Variants in BAZ1A observed in about 807,000 individuals in gnomAD.
BAZ1A encodes the protein bromodomain adjacent to zinc finger domain 1A.
In BAZ1A, 50 loss-of-function variants were observed where a neutral mutation model predicts 185.2. The observed-to-expected ratio is 0.27, with a 90% CI of 0.22 to 0.34. The LOEUF (loss-of-function observed/expected upper bound fraction) is 0.34, where lower values mean the gene tolerates loss of function less well. Among genes scored for constraint, BAZ1A ranks in the 10% least tolerant of loss-of-function variants. The probability of loss-of-function intolerance (pLI) is 1.00; values close to 1 mark genes in which losing one functional copy is unlikely to be tolerated. For synonymous variants in BAZ1A, 571 were observed against 615.6 expected, an observed-to-expected ratio of 0.93 and a Z score of 1.07; for missense variants, 1,356 against 1,839.9, an observed-to-expected ratio of 0.74 and a Z score of 4.81.
In BAZ1A at chr14:34,826,106, A is replaced by G; in HGVS notation, c.443T>C (p.Phe148Ser). 2 of 1,612,910 alleles carry G rather than the reference A, an allele frequency of 1.2e-6. No homozygotes were observed. Among genetic ancestry groups the G allele is most frequent in the Non-Finnish European group, 1.7e-6 (2 of 1,179,428 alleles). The change falls in exon 4 of 27, where the codon TTT becomes TCT. Residue 148 changes from phenylalanine (F) to serine (S), a missense_variant. Physicochemically the swap from Phe to Ser is radical, Grantham distance 155. Around this residue, in one of 7 missense-constraint regions of BAZ1A, gnomAD observed 332 missense variants for 395.3 expected, o/e 0.84. Transcript: ENST00000360310. ...EVLPPSHQNG[F>S]ANGHVNSVDG... Reference sequence around the variant, plus strand: ...CACACTGTTAACATGTCCATTAGCAAAACCATTTTGATGTGATGGAGGGAG... The same window carrying G: ...CACACTGTTAACATGTCCATTAGCAGAACCATTTTGATGTGATGGAGGGAG...
At chr14:34,829,087 G>A (rs995681774) in intron 3 of BAZ1A, among the ~76,000 whole-genome samples, 4 of 152,062 alleles carry the variant, frequency 2.6e-5, no homozygotes, top group African/African-American at 7.2e-5. Context: ...CCAACATGGC[G>A]AAACCCTGTC....
intron 11 of BAZ1A, 37 bp from the exon 12 acceptor site, chr14:34,792,958 G>C: frequency 6.4e-7 from 1 of 1,560,768 alleles, no homozygotes; most frequent in Non-Finnish European, 8.6e-7. Context: ...TTAAAGTTCT[G>C]TTCATGTACT....
chr14:34,795,334 T>C (rs949893722), intron 10 of BAZ1A, among the ~76,000 whole-genome samples: 2 of 152,220 alleles, frequency 1.3e-5, no homozygotes, highest in Non-Finnish European at 1.5e-5. Context: ...TTGAATGAGT[T>C]TGATTTGGAC....
intron 3 of BAZ1A, among the ~76,000 whole-genome samples, chr14:34,842,741 ACAGGGCTCTGGTTCTGAT>A (rs1241286067): frequency 1.3e-5 from 2 of 152,174 alleles, no homozygotes; most frequent in Non-Finnish European, 2.9e-5. Flanking sequence ...GAAGCACAGA[ACAGGGCTCTGGTTCTGAT>A]ACTGCCTGTG....
At chr14:34,793,090 G>A (rs1880954768) in intron 11 of BAZ1A, among the ~76,000 whole-genome samples, 169 bp from the exon 12 acceptor site, 1 of 152,136 alleles carries the variant, frequency 6.6e-6, no homozygotes, top group African/African-American at 2.4e-5. Flanking sequence ...AATTTATAAT[G>A]ATTACAATAA....
intron 24 of BAZ1A, among the ~76,000 whole-genome samples, chr14:34,761,407 A>G (rs2138543161): frequency 6.6e-6 from 1 of 152,332 alleles, no homozygotes; most frequent in African/African-American, 2.4e-5. Flanking sequence ...TAGCTTGTCT[A>G]GGTGATGCTG....
At position 34,762,272 on chromosome 14, in the gene BAZ1A, C is replaced by CT. The variant is rs766121798; in HGVS notation, c.3777-50_3777-49insA. 52 of 1,524,634 alleles carry CT rather than the reference C, an allele frequency of 3.4e-5. 1 individual carries two copies. In the African/African-American group the frequency reaches 6.6e-4, roughly 19 times the overall value. The allele number at this position is 1,524,634 out of a possible 1,614,324, so 94.4% of individuals were successfully genotyped here. A position where few individuals can be genotyped will look rare whatever the true frequency, so the allele number is the denominator to read the frequency against. ...AATTATTGTACAGAGCAATGATGAA[C>CT]ATATGATTAGCTCTATTCTCCTTGT... On this transcript the variant is annotated intron_variant, in intron 23 of 26. Coordinates refer to ENST00000360310, the MANE Select transcript of BAZ1A (RefSeq NM_013448.3).
intron 26 of BAZ1A, among the ~76,000 whole-genome samples, chr14:34,754,575 G>T (rs778393425): frequency 3.3e-5 from 5 of 152,058 alleles, no homozygotes; most frequent in Admixed American, 6.5e-5. Flanking sequence ...TGATTATAAA[G>T]AACTTCTTTG....
intron 4 of BAZ1A, among the ~76,000 whole-genome samples, chr14:34,817,204 T>G (rs983494274): frequency 1.3e-5 from 2 of 152,130 alleles, no homozygotes; most frequent in African/African-American, 2.4e-5. Context: ...TAAAATTTAC[T>G]TTTACTTATA....
chr14:34,768,790 A>T, intron 21 of BAZ1A: 1 of 419,286 alleles, frequency 2.4e-6, no homozygotes, highest in South Asian at 1.8e-5. Flanking sequence ...CCTAATTTCA[A>T]ACTGATATAG....
chr14:34,786,257 C>G, intron 12 of BAZ1A, 36 bp from the exon 13 acceptor site: 1 of 1,554,470 alleles, frequency 6.4e-7, no homozygotes, highest in East Asian at 2.3e-5. Context: ...TAGTGCAAAT[C>G]AAAGCTTGAA....
chr14:34,792,634 T>C, intron 12 of BAZ1A, 141 bp downstream of exon 12: 6 of 962,888 alleles, frequency 6.2e-6, no homozygotes, highest in Non-Finnish European at 9.2e-6. Context: ...CATTTGTTGT[T>C]AGCATATGAT....
intron 21 of BAZ1A, among the ~76,000 whole-genome samples, chr14:34,768,468 C>T (rs1033819884): frequency 2.0e-5 from 3 of 152,010 alleles, no homozygotes; most frequent in Non-Finnish European, 4.4e-5. Context: ...TTTCTATATG[C>T]CAATTTAGAA....
In BAZ1A at chr14:34,836,240, G is replaced by A. The variant is rs1344816660; in HGVS notation, c.393-10084C>T. Among the ~76,000 whole-genome samples, 105 of 71,506 alleles carry A rather than the reference G, an allele frequency of 1.5e-3. 29 individuals are homozygous for A. The highest frequency in any genetic ancestry group is 4.6e-3 in the African/African-American group (97 of 21,142). The allele number at this position is 71,506 out of a possible 152,430, so 46.9% of individuals were successfully genotyped here. A position where few individuals can be genotyped will look rare whatever the true frequency, so the allele number is the denominator to read the frequency against. On this transcript the variant is annotated intron_variant, in intron 3 of 26. Transcript: ENST00000360310. ...TAAAAATACAAAAAATTAGCCGGGC[G>A]TGGTAGCGGGCGCCTGTAGTCCCAG...
At chr14:34,838,410 AAT>A (rs2042360740) in intron 3 of BAZ1A, among the ~76,000 whole-genome samples, 1 of 152,224 alleles carries the variant, frequency 6.6e-6, no homozygotes, top group Non-Finnish European at 1.5e-5. Flanking sequence ...GAGAAAGAGC[AAT>A]ATGAGAGAGC....
intron 2 of BAZ1A, among the ~76,000 whole-genome samples, chr14:34,865,360 A>G (rs1168781654): frequency 1.3e-5 from 2 of 152,140 alleles, no homozygotes; most frequent in Non-Finnish European, 2.9e-5. Flanking sequence ...ACTTTGTTCT[A>G]CTTTTCTATA....
intron 3 of BAZ1A, among the ~76,000 whole-genome samples, chr14:34,842,984 T>C (rs951965077): frequency 2.0e-5 from 3 of 151,970 alleles, no homozygotes; most frequent in Non-Finnish European, 4.4e-5. Context: ...AAAAAGGGTA[T>C]ATGTCAAAAA....
intron 3 of BAZ1A, among the ~76,000 whole-genome samples, chr14:34,853,419 T>C (rs1442988028): frequency 1.3e-5 from 2 of 152,238 alleles, no homozygotes; most frequent in Non-Finnish European, 2.9e-5. Context: ...TGTTACCTGA[T>C]TGCTTCTTTG....
At chr14:34,851,206 G>A (rs776656234) in intron 3 of BAZ1A, among the ~76,000 whole-genome samples, 21 of 151,696 alleles carry the variant, frequency 1.4e-4, no homozygotes, top group Admixed American at 5.9e-4. Flanking sequence ...GGTTGCAGGC[G>A]CCTGTAGTCC....
Sources: gnomAD v4.1 joint callset for allele counts (sites outside exome capture counted in the v4.1 genomes callset) on GRCh38, gnomAD v4.1.1 for gene constraint, gnomAD v4.1.1 regional missense constraint, MANE v1.5 for transcripts, NCBI Gene and HGNC (gene_info 2026-07-23, HGNC 2026-07-21) for gene names.